SMOC2: variants seen among roughly 807,000 people sequenced by gnomAD.
The protein encoded by SMOC2 is SPARC-related modular calcium-binding protein 2.
SMOC2 carries 39 observed loss-of-function variants against 61.4 expected under a neutral mutation model. That is an observed-to-expected ratio of 0.64 (90% CI 0.49 to 0.83). The LOEUF (loss-of-function observed/expected upper bound fraction) is 0.83, where lower values mean the gene tolerates loss of function less well. Ranked by LOEUF, SMOC2 falls within the 40% of genes least tolerant of loss-of-function variation. The probability of loss-of-function intolerance (pLI) is 0.00; values close to 1 mark genes in which losing one functional copy is unlikely to be tolerated. For synonymous variants in SMOC2, 247 were observed against 239.9 expected (o/e 1.03, Z -0.27); for missense variants, 556 against 592.9 (o/e 0.94, Z 0.65).
At chr6:168,660,412 C>T (rs73244556) in intron 11 of SMOC2, among the ~76,000 whole-genome samples, 2,205 of 152,292 alleles carry the variant, frequency 0.014, 30 homozygotes, top group Middle Eastern at 0.037. Context: ...ATGGAGTTCT[C>T]AGTAGCGCTG....
chr6:168,502,848 C>G (rs984504140), intron 1 of SMOC2, among the ~76,000 whole-genome samples: 3 of 151,958 alleles, frequency 2.0e-5, no homozygotes, highest in Non-Finnish European at 4.4e-5. Flanking sequence ...CTCACTGCAA[C>G]CTCCACCTCC....
intron 1 of SMOC2, among the ~76,000 whole-genome samples, chr6:168,459,523 GT>G (rs1345955773): frequency 6.6e-6 from 1 of 151,274 alleles, no homozygotes; most frequent in Non-Finnish European, 1.5e-5. Context: ...CAGAACTTGG[GT>G]CTGTAGCTAG....
intron 10 of SMOC2, among the ~76,000 whole-genome samples, chr6:168,651,205 G>A (rs1344072222): frequency 2.0e-5 from 3 of 152,230 alleles, no homozygotes. Context: ...GCAGTAAAAT[G>A]TACAGCACAT....
intron 1 of SMOC2, among the ~76,000 whole-genome samples, chr6:168,448,041 T>G (rs9364455): frequency 6.6e-6 from 1 of 151,884 alleles, no homozygotes; most frequent in Non-Finnish European, 1.5e-5. Context: ...CAGGTCAGGG[T>G]TGTCCCATGT....
At chr6:168,599,207 C>T (rs1328717191) in intron 8 of SMOC2, among the ~76,000 whole-genome samples, 3 of 146,504 alleles carry the variant, frequency 2.0e-5, no homozygotes, top group East Asian at 2.0e-4. Flanking sequence ...CACACACACA[C>T]TCATACCCAC....
intron 9 of SMOC2, among the ~76,000 whole-genome samples, chr6:168,623,343 T>G (rs971077826): frequency 3.3e-5 from 5 of 149,934 alleles, no homozygotes; most frequent in Non-Finnish European, 7.4e-5. Context: ...TTTTTTTTTT[T>G]TTTTTGAGAC....
chr6:168,666,193 T>TC (rs1413397521), intron 12 of SMOC2, among the ~76,000 whole-genome samples: 1 of 152,228 alleles, frequency 6.6e-6, no homozygotes, highest in East Asian at 1.9e-4. Context: ...GTTACTTTTT[T>TC]GAAACGATAT....
intron 1 of SMOC2, among the ~76,000 whole-genome samples, chr6:168,451,615 CT>C (rs1345025654): frequency 6.6e-6 from 1 of 151,622 alleles, no homozygotes; most frequent in Non-Finnish European, 1.5e-5. Context: ...CTCTCTCTCT[CT>C]CTCTCTCTCT....
At position 168,524,191 on chromosome 6, in the gene SMOC2, T is replaced by A. The variant is rs561437701; in HGVS notation, c.257-2155T>A. ...GTCAGGCACTTCTCTGTAGTAAAGA[T>A]CTTGAACCTGATTTAACACGAGATA... On this transcript the variant is annotated intron_variant, in intron 2 of 12. Coordinates refer to ENST00000356284, the MANE Select transcript of SMOC2 (RefSeq NM_001166412.2). Among the ~76,000 whole-genome samples, 5 of 152,234 alleles carry A rather than the reference T, an allele frequency of 3.3e-5. No homozygotes were observed. In the East Asian group the frequency reaches 9.7e-4, roughly 29 times the overall value.
intron 1 of SMOC2, among the ~76,000 whole-genome samples, chr6:168,481,613 G>T (rs1411345281): frequency 6.6e-6 from 1 of 151,932 alleles, no homozygotes; most frequent in East Asian, 1.9e-4. Flanking sequence ...GAGGGACAAA[G>T]TCCTTATAAG....
At chr6:168,472,271 C>T (rs751237148) in intron 1 of SMOC2, among the ~76,000 whole-genome samples, 6 of 150,830 alleles carry the variant, frequency 4.0e-5, no homozygotes, top group Non-Finnish European at 8.9e-5. Context: ...ATGTGGATAC[C>T]CAGTTTTCCG....
chr6:168,653,171 A>G lies in SMOC2; in HGVS notation c.1228A>G (p.Met410Val), dbSNP rs1413757149. ...CAAATCCATCTCCGTACAAGAACTGATGGGCTGCCTGGGCGTGGCGAAAGA... is the reference window on the plus strand; with the variant it reads ...CAAATCCATCTCCGTACAAGAACTGGTGGGCTGCCTGGGCGTGGCGAAAGA... ...NDKSISVQEL[M>V]GCLGVAKEDG... is the part of the protein sequence containing the mutation. The change falls in exon 11 of 13, where the codon ATG becomes GTG. Residue 410 changes from methionine to valine, a missense_variant. Met to Val is a conservative substitution (Grantham distance 21). Coordinates refer to ENST00000356284, the MANE Select transcript of SMOC2 (RefSeq NM_001166412.2). 1 of 1,614,040 alleles carries G rather than the reference A, an allele frequency of 6.2e-7. No homozygotes were observed. Among genetic ancestry groups the G allele is most frequent in the Non-Finnish European group, 8.5e-7 (1 of 1,180,016 alleles).
rs548517486 is a variant in SMOC2, at chr6:168,451,571, C to T, written c.84+10117C>T. ...CACAGAATCCCTGCCAGGCAGCTCGCGCTCTCTCTCTGTCTCTCTCTGTCT... is the reference window on the plus strand; with the variant it reads ...CACAGAATCCCTGCCAGGCAGCTCGTGCTCTCTCTCTGTCTCTCTCTGTCT... On this transcript the variant is annotated intron_variant, in intron 1 of 12. Coordinates refer to ENST00000356284, the MANE Select transcript of SMOC2 (RefSeq NM_001166412.2). Among the ~76,000 whole-genome samples the T allele has an allele frequency of 1.5e-4, 22 of 149,568 alleles. No individual in the cohort carries two copies. In the East Asian group the frequency reaches 2.8e-3, roughly 19 times the overall value.
intron 12 of SMOC2, chr6:168,664,847 C>CGA (rs1253124227): frequency 6.4e-6 from 3 of 469,298 alleles, no homozygotes; most frequent in African/African-American, 6.0e-5. Flanking sequence ...AAAGCCAGGA[C>CGA]AAAATCCCCA....
At chr6:168,548,665 C>T (rs922355613) in intron 6 of SMOC2, among the ~76,000 whole-genome samples, 9 of 152,092 alleles carry the variant, frequency 5.9e-5, no homozygotes, top group African/African-American at 2.2e-4. Context: ...CCATGCCCGG[C>T]CCATTCAATT....
At chr6:168,634,074 G>A (rs183773512) in intron 9 of SMOC2, among the ~76,000 whole-genome samples, 15 of 152,270 alleles carry the variant, frequency 9.9e-5, no homozygotes, top group African/African-American at 3.6e-4. Context: ...GGTTTTCCTA[G>A]ACATGGGGAA....
intron 1 of SMOC2, among the ~76,000 whole-genome samples, chr6:168,490,553 G>A (rs1458510152): frequency 6.6e-6 from 1 of 152,170 alleles, no homozygotes; most frequent in Non-Finnish European, 1.5e-5. Flanking sequence ...TGCCAAGTGA[G>A]ATTTCAGGAT....
chr6:168,595,036 C>G (rs1785282095), intron 7 of SMOC2, among the ~76,000 whole-genome samples: 1 of 137,764 alleles, frequency 7.3e-6, no homozygotes, highest in Non-Finnish European at 1.6e-5. Context: ...CTTCCTGAGG[C>G]CTCACGAGCA....
At chr6:168,632,528 A>C (rs1165182990) in intron 9 of SMOC2, among the ~76,000 whole-genome samples, 2 of 152,190 alleles carry the variant, frequency 1.3e-5, no homozygotes, top group African/African-American at 4.8e-5. Flanking sequence ...ATTGTTGAAA[A>C]CACTGCACCT....
Sources: gnomAD v4.1 joint callset for allele counts (sites outside exome capture counted in the v4.1 genomes callset) on GRCh38, gnomAD v4.1.1 for gene constraint, MANE v1.5 for transcripts, NCBI Gene and HGNC (gene_info 2026-07-23, HGNC 2026-07-21) for gene names.